Variants in CLVS1 observed in about 807,000 individuals in gnomAD.
CLVS1 encodes the protein clavesin-1.
In CLVS1, 10 loss-of-function variants were observed where a neutral mutation model predicts 33.1. The ratio of observed to expected loss-of-function variants is 0.30; its 90% CI spans 0.19 to 0.51. The LOEUF is 0.51. CLVS1 is among the 20% of genes least tolerant of loss of function. CLVS1 has a pLI of 0.97. For missense variants in CLVS1, 343 were observed against 433.4 expected, an observed-to-expected ratio of 0.79 and a Z score of 1.85; for synonymous variants, 163 against 166.1, an observed-to-expected ratio of 0.98 and a Z score of 0.14.
At chr8:61,418,016 A>G (rs1405947901) in intron 3 of CLVS1, among the ~76,000 whole-genome samples, 3 of 152,176 alleles carry the variant, frequency 2.0e-5, no homozygotes, top group Non-Finnish European at 4.4e-5. Context: ...TGCTTGTTCT[A>G]CAGAAAGGAT....
chr8:61,012,969 G>A, the CLVS1 span, among the ~76,000 whole-genome samples: 6 of 152,180 alleles, frequency 3.9e-5, no homozygotes, highest in Admixed American at 1.3e-4. Flanking sequence ...ACTTCCTGCC[G>A]GAGGGAAACT....
chr8:61,433,566 C>T (rs1018008734), intron 3 of CLVS1, among the ~76,000 whole-genome samples: 3 of 152,060 alleles, frequency 2.0e-5, no homozygotes, highest in African/African-American at 7.2e-5. Context: ...TAATTATCTT[C>T]AATAACTCCT....
chr8:61,357,163 T>C (rs1231313511), intron 2 of CLVS1, among the ~76,000 whole-genome samples: 1 of 152,170 alleles, frequency 6.6e-6, no homozygotes, highest in Admixed American at 6.5e-5. Context: ...GGTATTTTAT[T>C]CTCTTTGAAG....
intron 3 of CLVS1, among the ~76,000 whole-genome samples, chr8:61,384,896 C>T (rs138173792): frequency 1.0e-3 from 153 of 152,050 alleles, no homozygotes; most frequent in Middle Eastern, 3.4e-3. Context: ...ATGGGGAGAT[C>T]GGGACAGGAA....
At chr8:61,179,334 T>G (rs1807184187) in intron 2 of CLVS1, among the ~76,000 whole-genome samples, 1 of 152,128 alleles carries the variant, frequency 6.6e-6, no homozygotes, top group African/African-American at 2.4e-5. Context: ...GCACCAAGAT[T>G]CATAAAACAA....
At chr8:61,083,931 C>T (rs1037165788) in intron 1 of CLVS1, among the ~76,000 whole-genome samples, 2 of 152,118 alleles carry the variant, frequency 1.3e-5, no homozygotes, top group African/African-American at 4.8e-5. Flanking sequence ...TGGTAAATTT[C>T]CTGACCCCTA....
chr8:61,074,962 A>G (rs1047689929), intron 1 of CLVS1, among the ~76,000 whole-genome samples: 1 of 152,098 alleles, frequency 6.6e-6, no homozygotes, highest in Admixed American at 6.5e-5. Flanking sequence ...CACACTTTTG[A>G]AATAGAAAAT....
the CLVS1 span, among the ~76,000 whole-genome samples, chr8:61,012,365 A>G: frequency 6.6e-6 from 1 of 152,206 alleles, no homozygotes; most frequent in African/African-American, 2.4e-5. Context: ...AGTACCTTAC[A>G]TACATTTTGT....
intron 3 of CLVS1, among the ~76,000 whole-genome samples, chr8:61,390,179 TTA>T: frequency 6.6e-6 from 1 of 152,322 alleles, no homozygotes; most frequent in South Asian, 2.1e-4. Flanking sequence ...AAAGTGCAAA[TTA>T]TACCCAATTC....
At chr8:61,376,983 A>G (rs1324906911) in intron 3 of CLVS1, 3 of 505,594 alleles carry the variant, frequency 5.9e-6, no homozygotes, top group East Asian at 3.1e-5. Flanking sequence ...ACTCCAAATT[A>G]CTGTTACCCC....
intron 2 of CLVS1, among the ~76,000 whole-genome samples, chr8:61,350,572 G>T (rs1229886371): frequency 2.0e-5 from 3 of 152,146 alleles, no homozygotes; most frequent in Non-Finnish European, 4.4e-5. Context: ...CTACCATCTT[G>T]TTAAATGTAC....
At chr8:61,235,283 C>T (rs1808531739) in intron 2 of CLVS1, among the ~76,000 whole-genome samples, 1 of 152,138 alleles carries the variant, frequency 6.6e-6, no homozygotes, top group Non-Finnish European at 1.5e-5. Context: ...AGTACCCATG[C>T]CTGAGGGTGA....
intron 2 of CLVS1, among the ~76,000 whole-genome samples, chr8:61,355,597 A>G (rs191324580): frequency 2.1e-3 from 314 of 152,136 alleles, no homozygotes; most frequent in African/African-American, 7.3e-3. Flanking sequence ...CCAGAGCCTG[A>G]TGTTCCCTTT....
At chr8:61,070,870 G>A (rs530675516) in intron 1 of CLVS1, among the ~76,000 whole-genome samples, 3 of 152,298 alleles carry the variant, frequency 2.0e-5, no homozygotes, top group African/African-American at 7.2e-5. Context: ...ATAGAGACTT[G>A]AAGGAGCACC....
At chr8:61,019,886 C>G in the CLVS1 span, among the ~76,000 whole-genome samples, 8 of 152,156 alleles carry the variant, frequency 5.3e-5, no homozygotes, top group Non-Finnish European at 1.2e-4. Flanking sequence ...CTTTCCAAGC[C>G]TTGCTTCTGT....
intron 2 of CLVS1, among the ~76,000 whole-genome samples, chr8:61,317,416 T>C (rs1041144886): frequency 5.3e-5 from 8 of 152,340 alleles, no homozygotes; most frequent in South Asian, 4.1e-4. Flanking sequence ...TTTCCAATTT[T>C]TCACCAATAT....
chr8:61,250,015 C>T (rs570506687), intron 2 of CLVS1, among the ~76,000 whole-genome samples: 1 of 152,104 alleles, frequency 6.6e-6, no homozygotes, highest in African/African-American at 2.4e-5. Flanking sequence ...TAGGGTATTG[C>T]CCAGGTTTTC....
At chr8:61,143,416 G>T (rs1477425085) in intron 2 of CLVS1, among the ~76,000 whole-genome samples, 2 of 152,134 alleles carry the variant, frequency 1.3e-5, no homozygotes, top group Non-Finnish European at 2.9e-5. Context: ...CTCATTCTGG[G>T]TGGAGATTTA....
At chr8:61,427,164 A>C (rs1815927097) in intron 3 of CLVS1, among the ~76,000 whole-genome samples, 1 of 152,204 alleles carries the variant, frequency 6.6e-6, no homozygotes, top group African/African-American at 2.4e-5. Context: ...AAGGAGATGT[A>C]ACTCACTCAA....
Sources: allele counts gnomAD v4.1 joint callset (sites outside exome capture counted in the v4.1 genomes callset), GRCh38; gene constraint gnomAD v4.1.1; transcripts MANE v1.5; gene names NCBI Gene and HGNC (gene_info 2026-07-23, HGNC 2026-07-21).